Variants in DIP2C observed in about 807,000 individuals in gnomAD.
DIP2C encodes DIP2 acetate--CoA ligase C (putative).
DIP2C carries 33 observed loss-of-function variants against 192.4 expected under a neutral mutation model. The ratio of observed to expected loss-of-function variants is 0.17; its 90% CI spans 0.13 to 0.23. DIP2C has a LOEUF of 0.23. Among genes scored for constraint, DIP2C ranks in the 10% least tolerant of loss-of-function variants. DIP2C has a pLI of 1.00. For missense variants in DIP2C, 1,537 were observed against 2,110.1 expected (o/e 0.73, Z 5.32); for synonymous variants, 979 against 864.1 (o/e 1.13, Z -2.33).
rs1327043536 is a variant in DIP2C at position 467,535 on chromosome 10, A to T, written c.268+4904T>A. Among the ~76,000 whole-genome samples, 61 of 34,374 alleles carry T rather than the reference A, an allele frequency of 1.8e-3. No individual in the cohort carries two copies. In the Middle Eastern group the frequency reaches 0.068, roughly 38 times the overall value. The allele number at this position is 34,374 out of a possible 152,430, so 22.6% of individuals were successfully genotyped here. A position where few individuals can be genotyped will look rare whatever the true frequency, so the allele number is the denominator to read the frequency against. On this transcript the variant is annotated intron_variant, in intron 3 of 36. Transcript: ENST00000280886. ...ACCCTAAAACTTAAAGTATAAAAAA[A>T]AAATAAATAAAATAAAAATTATTTA...
intron 10 of DIP2C, among the ~76,000 whole-genome samples, chr10:397,232 A>G (rs1482385214): frequency 2.0e-5 from 3 of 152,140 alleles, no homozygotes; most frequent in Non-Finnish European, 4.4e-5. Context: ...TGCACACATT[A>G]AAGATGTGCT....
chr10:483,894 G>A lies in DIP2C; in HGVS notation c.157+2565C>T, dbSNP rs140749263. On this transcript the variant is annotated intron_variant, in intron 2 of 36. Coordinates refer to ENST00000280886, the MANE Select transcript of DIP2C (RefSeq NM_014974.3). ...CACAGTGCCACAATCATAGCTCACT[G>A]CAGCCTTGACTTCTTGGATTCAAGC... is the stretch of plus-strand genomic sequence containing the variant. Among the ~76,000 whole-genome samples, 7 of 152,114 alleles carry A rather than the reference G, an allele frequency of 4.6e-5. No individual in the cohort carries two copies. In the East Asian group the frequency reaches 1.4e-3, roughly 29 times the overall value.
chr10:586,155 T>C (rs1374364510), intron 1 of DIP2C, among the ~76,000 whole-genome samples: 2 of 152,262 alleles, frequency 1.3e-5, no homozygotes, highest in South Asian at 2.1e-4. Context: ...TTTCCTTCTA[T>C]TTCTCACAAC....
At chr10:315,778 C>T (rs921836384) in intron 31 of DIP2C, among the ~76,000 whole-genome samples, 7 of 152,122 alleles carry the variant, frequency 4.6e-5, no homozygotes, top group African/African-American at 9.7e-5. Flanking sequence ...TTTCTCTCAC[C>T]GCTCCTTCTG....
At chr10:401,474 A>T (rs1964443368) in intron 9 of DIP2C, among the ~76,000 whole-genome samples, 1 of 149,836 alleles carries the variant, frequency 6.7e-6, no homozygotes, top group South Asian at 2.1e-4. Context: ...CAAGTTTCGT[A>T]TGTGTTCATC....
chr10:647,313 G>A (rs187500544), intron 1 of DIP2C, among the ~76,000 whole-genome samples: 3,411 of 149,560 alleles, frequency 0.023, 53 homozygotes, highest in Non-Finnish European at 0.037. Flanking sequence ...CACATTGGAC[G>A]GCGGGAGAGA....
chr10:566,361 G>T (rs866224426), intron 1 of DIP2C, among the ~76,000 whole-genome samples: 29 of 152,226 alleles, frequency 1.9e-4, no homozygotes, highest in African/African-American at 6.5e-4. Flanking sequence ...CTCAGAAGCA[G>T]TGTTGCTGCT....
chr10:278,112 C>T (rs934227239), intron 36 of DIP2C, among the ~76,000 whole-genome samples: 12 of 150,150 alleles, frequency 8.0e-5, no homozygotes, highest in Admixed American at 3.3e-4. Flanking sequence ...GTGTGGACGC[C>T]GAGGGCATGG....
intron 32 of DIP2C, among the ~76,000 whole-genome samples, chr10:300,875 G>A (rs1268255032): frequency 1.3e-5 from 2 of 152,194 alleles, no homozygotes; most frequent in African/African-American, 2.4e-5. Flanking sequence ...ACCGGAACTC[G>A]CTCTAAGCAG....
chr10:671,472 C>G lies in DIP2C; in HGVS notation c.85+18022G>C, dbSNP rs186216888. Reference sequence around the variant, plus strand: ...AGGAAACAGACCACAGGCGCACGGACGGAGGAAACGCCACAGACGCACGGA... The same window carrying G: ...AGGAAACAGACCACAGGCGCACGGAGGGAGGAAACGCCACAGACGCACGGA... On this transcript the variant is annotated intron_variant, in intron 1 of 36. Transcript: ENST00000280886. Among the ~76,000 whole-genome samples the G allele has an allele frequency of 3.7e-3, 400 of 106,752 alleles. 128 individuals are homozygous for G. The highest frequency in any genetic ancestry group is 0.01 in the South Asian group (25 of 2,416). 70.0% of individuals were successfully genotyped at this position (106,752 alleles called of 152,430 possible). A position where few individuals can be genotyped will look rare whatever the true frequency, so the allele number is the denominator to read the frequency against.
chr10:562,054 A>G (rs1380815558), intron 1 of DIP2C, among the ~76,000 whole-genome samples: 1 of 152,266 alleles, frequency 6.6e-6, no homozygotes, highest in Non-Finnish European at 1.5e-5. Flanking sequence ...GATGCATTTT[A>G]AAGAAAAATG....
intron 5 of DIP2C, among the ~76,000 whole-genome samples, chr10:422,473 G>A (rs903371014): frequency 4.6e-5 from 7 of 152,148 alleles, no homozygotes; most frequent in East Asian, 1.9e-4. Context: ...TAAAGCCCTC[G>A]TTTCCTTAAA....
At chr10:451,934 T>TAA (rs1968882018) in intron 3 of DIP2C, among the ~76,000 whole-genome samples, 3 of 151,938 alleles carry the variant, frequency 2.0e-5, no homozygotes, top group African/African-American at 7.3e-5. Context: ...GTCAAAAAAC[T>TAA]GAGAAAACAG....
chr10:657,974 T>C (rs539614023), intron 1 of DIP2C, among the ~76,000 whole-genome samples: 1 of 149,792 alleles, frequency 6.7e-6, no homozygotes, highest in South Asian at 2.1e-4. Flanking sequence ...GACCTGCCGC[T>C]GGACCTGCCG....
chr10:614,258 T>C (rs1280987559), intron 1 of DIP2C, among the ~76,000 whole-genome samples: 2 of 152,140 alleles, frequency 1.3e-5, no homozygotes, highest in Admixed American at 6.5e-5. Context: ...AAGCCTGCAG[T>C]TTTCCTCCAG....
chr10:290,525 A>G (rs976418333), intron 32 of DIP2C, among the ~76,000 whole-genome samples: 11 of 152,252 alleles, frequency 7.2e-5, no homozygotes, highest in African/African-American at 2.7e-4. Flanking sequence ...CCATGCCAGG[A>G]CAATGATGCT....
At chr10:285,474 G>T (rs902075412) in intron 34 of DIP2C, among the ~76,000 whole-genome samples, 1 of 152,220 alleles carries the variant, frequency 6.6e-6, no homozygotes, top group Non-Finnish European at 1.5e-5. Context: ...GCAGGCCGGG[G>T]TAACCGGAGG....
chr10:288,940 G>C (rs1165621133), intron 32 of DIP2C, among the ~76,000 whole-genome samples: 2 of 152,212 alleles, frequency 1.3e-5, no homozygotes, highest in Non-Finnish European at 2.9e-5. Flanking sequence ...TTACTTCAAA[G>C]AATACATAAT....
intron 3 of DIP2C, among the ~76,000 whole-genome samples, chr10:450,379 T>A (rs887812255): frequency 1.3e-5 from 2 of 152,230 alleles, no homozygotes; most frequent in Non-Finnish European, 2.9e-5. Context: ...AGATTTAAGA[T>A]GTTTACGTAT....
Sources: gnomAD v4.1 joint callset for allele counts (sites outside exome capture counted in the v4.1 genomes callset) on GRCh38, gnomAD v4.1.1 for gene constraint, MANE v1.5 for transcripts, NCBI Gene and HGNC (gene_info 2026-07-23, HGNC 2026-07-21) for gene names.